Variants in MPP7 observed in about 807,000 individuals in gnomAD.
The protein encoded by MPP7 is MAGUK p55 scaffold protein 7.
Under a neutral mutation model 76.5 loss-of-function variants are expected in MPP7, and 60 were observed. The observed-to-expected ratio is 0.78, with a 90% CI of 0.64 to 0.97. MPP7 has a LOEUF of 0.97. Among genes scored for constraint, MPP7 ranks in the 50% least tolerant of loss-of-function variants. MPP7 has a pLI of 0.00. For missense variants in MPP7, 641 were observed against 694.0 expected (o/e 0.92, Z 0.86); for synonymous variants, 237 against 244.5 (o/e 0.97, Z 0.29).
chr10:28,066,001 A>C (rs1206064014), intron 13 of MPP7, among the ~76,000 whole-genome samples: 2 of 152,264 alleles, frequency 1.3e-5, no homozygotes, highest in East Asian at 3.9e-4. Context: ...TGGTTGTATT[A>C]ATAGTCATTC....
upstream of MPP7, among the ~76,000 whole-genome samples, chr10:28,307,329 T>G (rs185596873): frequency 8.9e-4 from 135 of 152,308 alleles, no homozygotes; most frequent in Non-Finnish European, 1.6e-3. Flanking sequence ...AGTTTCAAGT[T>G]GCCATTCTTG....
chr10:28,289,344 T>G (rs942895807), intron 1 of MPP7: 1 of 150,882 alleles, frequency 6.6e-6, no homozygotes, highest in Non-Finnish European at 1.5e-5. Context: ...ACTAGCAGAC[T>G]AGTGGATTAA....
chr10:28,252,875 T>C (rs1839658446), intron 1 of MPP7, among the ~76,000 whole-genome samples: 1 of 151,998 alleles, frequency 6.6e-6, no homozygotes, highest in South Asian at 2.1e-4. Context: ...TTATTCTCTG[T>C]GTCCTAGAAA....
chr10:28,268,279 G>T (rs2133004565), intron 1 of MPP7, among the ~76,000 whole-genome samples: 1 of 152,170 alleles, frequency 6.6e-6, no homozygotes, highest in Non-Finnish European at 1.5e-5. Context: ...GAAGGAAAGA[G>T]CCCAATATGT....
intron 3 of MPP7, among the ~76,000 whole-genome samples, chr10:28,188,732 A>G (rs1175379231): frequency 6.6e-6 from 1 of 151,260 alleles, no homozygotes; most frequent in Non-Finnish European, 1.5e-5. Context: ...AAAATACTTT[A>G]CCTCTAGAGG....
chr10:28,174,162 G>A (rs755631515), intron 3 of MPP7, among the ~76,000 whole-genome samples: 29 of 152,292 alleles, frequency 1.9e-4, no homozygotes, highest in Non-Finnish European at 3.8e-4. Flanking sequence ...ATGTGTGTGT[G>A]GAACAGCAAC....
chr10:28,279,103 T>C (rs1840590545), intron 1 of MPP7, among the ~76,000 whole-genome samples: 1 of 152,026 alleles, frequency 6.6e-6, no homozygotes, highest in African/African-American at 2.4e-5. Flanking sequence ...ATCTAAATGC[T>C]GGTTTGATCT....
At chr10:28,088,296 A>C (rs759527039) in intron 12 of MPP7, among the ~76,000 whole-genome samples, 2 of 152,150 alleles carry the variant, frequency 1.3e-5, no homozygotes, top group Non-Finnish European at 2.9e-5. Flanking sequence ...TCCCCACCCA[A>C]GTCTCATGTT....
intron 2 of MPP7, among the ~76,000 whole-genome samples, chr10:28,322,720 A>G (rs560654378): frequency 6.6e-5 from 10 of 152,328 alleles, no homozygotes; most frequent in East Asian, 1.9e-4. Flanking sequence ...ACCAAGCTGA[A>G]GAAGACAAAG....
intron 11 of MPP7, among the ~76,000 whole-genome samples, chr10:28,092,026 T>C (rs1239504937): frequency 1.3e-5 from 2 of 152,082 alleles, no homozygotes; most frequent in Non-Finnish European, 2.9e-5. Context: ...ATGAAGGAAA[T>C]GAATAATTGT....
intron 1 of MPP7, among the ~76,000 whole-genome samples, chr10:28,332,141 T>G (rs1383464490): frequency 1.3e-5 from 2 of 152,068 alleles, no homozygotes; most frequent in Non-Finnish European, 2.9e-5. Context: ...AGAAATTGAG[T>G]TTTTTTCTTA....
intron 2 of MPP7, among the ~76,000 whole-genome samples, chr10:28,213,870 G>A (rs1838228472): frequency 6.6e-6 from 1 of 150,552 alleles, no homozygotes; most frequent in East Asian, 2.0e-4. Context: ...AGGGAATGAA[G>A]GATCCAGGGA....
At chr10:28,159,108 C>T (rs754997909) in intron 3 of MPP7, among the ~76,000 whole-genome samples, 3 of 152,078 alleles carry the variant, frequency 2.0e-5, no homozygotes, top group Non-Finnish European at 4.4e-5. Context: ...TTGAAAATGT[C>T]CTGGAAGCTA....
intron 1 of MPP7, 135 bp from the exon 2 acceptor site, chr10:28,238,870 C>T: frequency 2.2e-6 from 1 of 456,218 alleles, no homozygotes; most frequent in Non-Finnish European, 3.9e-6. Context: ...TTCTACAGAC[C>T]ACATGCAAGT....
chr10:28,150,015 G>A lies in MPP7; in HGVS notation c.201C>T (p.Pro67=). The A allele has an allele frequency of 2.5e-6, 4 of 1,613,626 alleles. No homozygotes were observed. The highest frequency in any genetic ancestry group is 3.4e-6 in the Non-Finnish European group (4 of 1,179,870). ...LHYYEKQSPV[P]ILHGAAALAD... ...CCAAGGCCGCCGCACCATGGAGAAT[G>A]GGCACCGGACTCTGCTTCTCATAGT... The change falls in exon 4 of 17, where the codon CCC becomes CCT. Residue 67 remains proline (P), a synonymous_variant. Coordinates refer to ENST00000683449, the MANE Select transcript of MPP7 (RefSeq NM_001318170.2).
At chr10:28,191,705 C>A (rs1837414793) in intron 3 of MPP7, among the ~76,000 whole-genome samples, 1 of 152,206 alleles carries the variant, frequency 6.6e-6, no homozygotes, top group Admixed American at 6.5e-5. Context: ...TCAACCAATA[C>A]CACGACCAAA....
chr10:28,221,382 G>A (rs1037540041), intron 2 of MPP7, among the ~76,000 whole-genome samples: 18 of 152,064 alleles, frequency 1.2e-4, no homozygotes, highest in African/African-American at 4.3e-4. Context: ...GAACAAAGGA[G>A]CAGCCAGCAA....
intron 11 of MPP7, among the ~76,000 whole-genome samples, chr10:28,116,619 T>A (rs1023401519): frequency 7.2e-5 from 11 of 152,082 alleles, no homozygotes; most frequent in African/African-American, 2.7e-4. Flanking sequence ...GGAAACAAAT[T>A]TCCATTACAA....
At chr10:28,096,183 C>T (rs919879863) in intron 11 of MPP7, among the ~76,000 whole-genome samples, 1 of 152,194 alleles carries the variant, frequency 6.6e-6, no homozygotes, top group Non-Finnish European at 1.5e-5. Context: ...TATCCCATGT[C>T]ACTGATGACT....
Sources: allele counts gnomAD v4.1 joint callset (sites outside exome capture counted in the v4.1 genomes callset), GRCh38; gene constraint gnomAD v4.1.1; transcripts MANE v1.5; gene names NCBI Gene and HGNC (gene_info 2026-07-23, HGNC 2026-07-21).